The following ADGRL3 variants were observed in gnomAD, a reference collection of about 807,000 sequenced individuals.
ADGRL3 encodes the protein adhesion G protein-coupled receptor L3, also known as calcium-independent alpha-latrotoxin receptor 3.
ADGRL3 carries 62 observed loss-of-function variants against 153.5 expected under a neutral mutation model. That is an observed-to-expected ratio of 0.40 (90% CI 0.33 to 0.50). The LOEUF (loss-of-function observed/expected upper bound fraction) is 0.50. ADGRL3 is among the 20% of genes least tolerant of loss of function. The probability of loss-of-function intolerance (pLI) is 0.47; values close to 1 mark genes in which losing one functional copy is unlikely to be tolerated. For missense variants in ADGRL3, 1,641 were observed against 1,859.4 expected, an observed-to-expected ratio of 0.88 and a Z score of 2.16; for synonymous variants, 710 against 672.5, an observed-to-expected ratio of 1.06 and a Z score of -0.86.
chr4:61,769,240 C>A (rs1056307696), intron 8 of ADGRL3, among the ~76,000 whole-genome samples: 1 of 151,844 alleles, frequency 6.6e-6, no homozygotes, highest in Non-Finnish European at 1.5e-5. Flanking sequence ...TTTGGGTTCA[C>A]GGATAAAACA....
chr4:61,676,671 A>G (rs2095205494), intron 5 of ADGRL3, among the ~76,000 whole-genome samples, 155 bp from the exon 6 acceptor site: 1 of 152,056 alleles, frequency 6.6e-6, no homozygotes, highest in African/African-American at 2.4e-5. Flanking sequence ...TAAAAAGTGT[A>G]CTACAGATAT....
At chr4:61,289,327 TA>T (rs2094077455) in intron 1 of ADGRL3, among the ~76,000 whole-genome samples, 1 of 152,052 alleles carries the variant, frequency 6.6e-6, no homozygotes. Context: ...TTGTGTTTCA[TA>T]CCATCTTTCT....
At chr4:61,555,998 C>T (rs1290550188) in intron 4 of ADGRL3, among the ~76,000 whole-genome samples, 2 of 152,074 alleles carry the variant, frequency 1.3e-5, no homozygotes, top group Non-Finnish European at 2.9e-5. Flanking sequence ...TTGTGCTGTC[C>T]TCTTATCTCA....
At chr4:61,607,368 G>A (rs1440982730) in intron 5 of ADGRL3, among the ~76,000 whole-genome samples, 1 of 152,170 alleles carries the variant, frequency 6.6e-6, no homozygotes, top group African/African-American at 2.4e-5. Context: ...GGAGGCCAAG[G>A]TGGGCGGATT....
At chr4:61,451,378 T>C (rs568961508) in intron 2 of ADGRL3, among the ~76,000 whole-genome samples, 1 of 152,250 alleles carries the variant, frequency 6.6e-6, no homozygotes, top group South Asian at 2.1e-4. Context: ...TAGCTCTGAA[T>C]GAGGAAGGAT....
intron 3 of ADGRL3, among the ~76,000 whole-genome samples, chr4:61,503,096 C>A (rs536447091): frequency 6.6e-6 from 1 of 152,120 alleles, no homozygotes; most frequent in Non-Finnish European, 1.5e-5. Flanking sequence ...ACTGCTCAGT[C>A]GCTAATACCA....
chr4:61,354,323 G>T (rs2096118073), intron 1 of ADGRL3, among the ~76,000 whole-genome samples: 1 of 152,124 alleles, frequency 6.6e-6, no homozygotes, highest in African/African-American at 2.4e-5. Context: ...CTCTAGGACA[G>T]TTTATTTCAA....
intron 1 of ADGRL3, among the ~76,000 whole-genome samples, chr4:61,224,645 A>G (rs1747118749): frequency 6.6e-6 from 1 of 152,224 alleles, no homozygotes; most frequent in Non-Finnish European, 1.5e-5. Flanking sequence ...GCAGACATGA[A>G]CACACAACTG....
At chr4:61,493,020 T>C (rs1398444886) in intron 2 of ADGRL3, among the ~76,000 whole-genome samples, 1 of 148,930 alleles carries the variant, frequency 6.7e-6, no homozygotes, top group Non-Finnish European at 1.5e-5. Context: ...AAAAGAAATT[T>C]GTTTGGTGAA....
intron 2 of ADGRL3, among the ~76,000 whole-genome samples, chr4:61,419,272 A>G (rs1489051983): frequency 1.3e-5 from 2 of 150,886 alleles, no homozygotes; most frequent in Admixed American, 6.6e-5. Flanking sequence ...AACATCACCA[A>G]TTTCTAAATA....
intron 2 of ADGRL3, chr4:61,420,536 A>C (rs1363724730): frequency 6.6e-6 from 1 of 150,640 alleles, no homozygotes; most frequent in East Asian, 2.0e-4. Context: ...CCTCCCGAGT[A>C]GCTGGGACCA....
intron 2 of ADGRL3, among the ~76,000 whole-genome samples, chr4:61,471,658 A>G (rs1299038674): frequency 1.3e-5 from 2 of 151,986 alleles, no homozygotes; most frequent in Non-Finnish European, 2.9e-5. Flanking sequence ...TGATTATCTT[A>G]AAATGATCTG....
chr4:61,255,733 A>G (rs1458672962), intron 1 of ADGRL3, among the ~76,000 whole-genome samples: 3 of 152,168 alleles, frequency 2.0e-5, no homozygotes, highest in African/African-American at 7.2e-5. Context: ...TTTAACACAG[A>G]AATCTCATTC....
At chr4:61,530,283 C>T (rs2098604459) in intron 4 of ADGRL3, among the ~76,000 whole-genome samples, 1 of 151,632 alleles carries the variant, frequency 6.6e-6, no homozygotes, top group South Asian at 2.1e-4. Flanking sequence ...TCAGCTGTTC[C>T]CTGGGTCTGT....
chr4:61,539,514 T>C (rs2098677783), intron 4 of ADGRL3, among the ~76,000 whole-genome samples: 1 of 152,034 alleles, frequency 6.6e-6, no homozygotes, highest in African/African-American at 2.4e-5. Flanking sequence ...AAAGTCAGAG[T>C]GTGCTCTGGG....
At chr4:61,240,966 A>G (rs1293851627) in intron 1 of ADGRL3, among the ~76,000 whole-genome samples, 5 of 152,004 alleles carry the variant, frequency 3.3e-5, no homozygotes, top group Non-Finnish European at 7.4e-5. Context: ...GTAATGTGTA[A>G]TACTCATTGA....
chr4:61,850,540 G>C (rs1378211657), intron 9 of ADGRL3, among the ~76,000 whole-genome samples: 1 of 152,132 alleles, frequency 6.6e-6, no homozygotes, highest in Non-Finnish European at 1.5e-5. Flanking sequence ...TAGCTCCTGT[G>C]TCTAATTTCT....
intron 1 of ADGRL3, among the ~76,000 whole-genome samples, chr4:61,205,834 GC>G (rs1372862224): frequency 1.3e-5 from 2 of 152,116 alleles, no homozygotes; most frequent in African/African-American, 4.8e-5. Flanking sequence ...GCGTGAGCAT[GC>G]TTGTAAATAG....
chr4:61,543,401 T>A (rs2098699832), intron 4 of ADGRL3, among the ~76,000 whole-genome samples: 1 of 152,058 alleles, frequency 6.6e-6, no homozygotes, highest in Admixed American at 6.6e-5. Flanking sequence ...TCTTTGAAGA[T>A]GAAGGAAAGG....
Sources: allele counts gnomAD v4.1 joint callset (sites outside exome capture counted in the v4.1 genomes callset), GRCh38; gene constraint gnomAD v4.1.1; transcripts MANE v1.5; gene names NCBI Gene and HGNC (gene_info 2026-07-23, HGNC 2026-07-21).